ASCC3: variants seen among roughly 807,000 people sequenced by gnomAD.
ASCC3 encodes the protein activating signal cointegrator 1 complex subunit 3.
A neutral mutation model predicts 256.3 loss-of-function variants in ASCC3; 158 were observed. The observed-to-expected ratio is 0.62, with a 90% confidence interval of 0.54 to 0.70. ASCC3 has a LOEUF of 0.70. Ranked by LOEUF, ASCC3 falls within the 30% of genes least tolerant of loss-of-function variation. The pLI, the probability that ASCC3 is intolerant of heterozygous loss-of-function variation, is 0.00. For missense variants in ASCC3, 2,259 were observed against 2,626.0 expected (o/e 0.86, Z 3.05); for synonymous variants, 948 against 883.4 (o/e 1.07, Z -1.30).
At chr6:100,857,705 G>A (rs1773018625) in intron 3 of ASCC3, 1 of 151,820 alleles carries the variant, frequency 6.6e-6, no homozygotes, top group African/African-American at 2.4e-5. Flanking sequence ...TAGTCCATTT[G>A]CCTATTCTTG....
Position 100,715,613 on chromosome 6 carries a change from C to T in ASCC3, c.2080-80G>A. 3 of 1,212,786 alleles carry T rather than the reference C, an allele frequency of 2.5e-6. No individual in the cohort carries two copies. In the South Asian group the frequency reaches 3.9e-5, roughly 16 times the overall value. 75.1% of individuals were successfully genotyped at this position (1,212,786 alleles called of 1,614,324 possible). A position where few individuals can be genotyped will look rare whatever the true frequency, so the allele number is the denominator to read the frequency against. On this transcript the variant is annotated intron_variant, in intron 12 of 41. Coordinates refer to ENST00000369162, the MANE Select transcript of ASCC3 (RefSeq NM_006828.4). ...ACTACAAATAAAATTTTGCCAATTA[C>T]AATGCATTTTTTAAGCTTTCAGGCT...
At chr6:100,669,219 A>G (rs542938254) in intron 14 of ASCC3, among the ~76,000 whole-genome samples, 1 of 149,624 alleles carries the variant, frequency 6.7e-6, no homozygotes, top group Non-Finnish European at 1.5e-5. Flanking sequence ...ATATTTTCTA[A>G]AAATGTAAAG....
At chr6:100,638,898 G>C (rs1774977593) in intron 24 of ASCC3, 77 bp from the exon 25 acceptor site, 2 of 1,184,726 alleles carry the variant, frequency 1.7e-6, no homozygotes, top group Non-Finnish European at 2.5e-6. Context: ...ATAAATAATA[G>C]ATTATAGTAA....
At chr6:100,698,845 T>A (rs1257153621) in intron 13 of ASCC3, among the ~76,000 whole-genome samples, 2 of 152,104 alleles carry the variant, frequency 1.3e-5, no homozygotes, top group East Asian at 3.9e-4. Flanking sequence ...AATAATTATC[T>A]TCTTGATTTT....
rs1772483082 is a variant in ASCC3, at chr6:100,848,296, G to A, written c.653C>T (p.Thr218Ile). ...CTPELKPVEK[T>I]NGSFLWCEVE... is the part of the protein sequence containing the mutation. The stretch of plus-strand genomic sequence containing the variant: ...TTCACACCACAAAAAGGAGCCATTT[G>A]TTTTTTCCACAGGCTTGAGTTCTGG... The change falls in exon 4 of 42, where the codon ACA (threonine) becomes ATA (isoleucine). Residue 218 changes from threonine (T) to isoleucine (I), a missense_variant. Coordinates refer to ENST00000369162, the MANE Select transcript of ASCC3 (RefSeq NM_006828.4). 1 of 1,614,012 alleles carries A rather than the reference G, an allele frequency of 6.2e-7. No homozygotes were observed. The highest frequency in any genetic ancestry group is 8.5e-7 in the Non-Finnish European group (1 of 1,179,976).
chr6:100,791,856 G>C (rs1769363330), intron 8 of ASCC3, among the ~76,000 whole-genome samples: 1 of 151,852 alleles, frequency 6.6e-6, no homozygotes, highest in African/African-American at 2.4e-5. Context: ...GGAAAATTTA[G>C]TCCTCATTTC....
intron 8 of ASCC3, among the ~76,000 whole-genome samples, chr6:100,785,587 A>C (rs554341852): frequency 6.6e-6 from 1 of 152,016 alleles, no homozygotes; most frequent in African/African-American, 2.4e-5. Flanking sequence ...ATTTTAAAAA[A>C]TATGTTTAGA....
chr6:100,552,520 G>C (rs1161771385), intron 36 of ASCC3, among the ~76,000 whole-genome samples: 1 of 151,978 alleles, frequency 6.6e-6, no homozygotes, highest in Non-Finnish European at 1.5e-5. Context: ...TTCAGAAATT[G>C]TATCCTCTTG....
chr6:100,600,860 G>A lies in ASCC3; in HGVS notation c.5303+950C>T, dbSNP rs368861484. ...CAATAAATATTTAACAAAACATAAC[G>A]TAATTTGGTAATGTTAATCCATATT... On this transcript the variant is annotated intron_variant, in intron 34 of 41. Transcript: ENST00000369162. Among the ~76,000 whole-genome samples the A allele has an allele frequency of 2.7e-4, 41 of 151,960 alleles. 1 individual carries two copies. In the East Asian group the frequency reaches 5.6e-3, roughly 21 times the overall value.
intron 10 of ASCC3, among the ~76,000 whole-genome samples, chr6:100,748,336 TGAG>T (rs770229566): frequency 1.4e-4 from 21 of 151,552 alleles, no homozygotes; most frequent in Non-Finnish European, 2.5e-4. Context: ...AAAAAAAAAA[TGAG>T]GAAGCAGAAA....
chr6:100,561,433 C>T (rs1234619809), intron 36 of ASCC3, among the ~76,000 whole-genome samples: 1 of 152,088 alleles, frequency 6.6e-6, no homozygotes, highest in African/African-American at 2.4e-5. Flanking sequence ...ATAACTATCA[C>T]ATCATATTCC....
intron 37 of ASCC3, 42 bp from the exon 38 acceptor site, chr6:100,518,184 G>A: frequency 6.2e-7 from 1 of 1,607,918 alleles, no homozygotes; most frequent in South Asian, 1.1e-5. Flanking sequence ...TTATATCATG[G>A]TACTTGCCCC....
intron 1 of ASCC3, among the ~76,000 whole-genome samples, chr6:100,868,554 C>A (rs1407409234): frequency 1.3e-5 from 2 of 152,182 alleles, no homozygotes; most frequent in Non-Finnish European, 2.9e-5. Flanking sequence ...TCTATCAAAG[C>A]CCAAAATTTT....
intron 4 of ASCC3, among the ~76,000 whole-genome samples, chr6:100,813,113 T>C (rs1770562128): frequency 6.6e-6 from 1 of 152,236 alleles, no homozygotes; most frequent in African/African-American, 2.4e-5. Flanking sequence ...AACAATAGTT[T>C]AAATCTTCTG....
At chr6:100,749,425 G>A (rs1780836563) in intron 10 of ASCC3, among the ~76,000 whole-genome samples, 1 of 151,912 alleles carries the variant, frequency 6.6e-6, no homozygotes, top group South Asian at 2.1e-4. Flanking sequence ...TCTGTAATCT[G>A]CATTTTTAAA....
At chr6:100,662,651 G>A (rs1306351444) in intron 14 of ASCC3, 115 bp from the exon 15 acceptor site, 1 of 890,602 alleles carries the variant, frequency 1.1e-6, no homozygotes, top group African/African-American at 1.7e-5. Context: ...AGCATCTTAA[G>A]GTATTACTAG....
intron 10 of ASCC3, among the ~76,000 whole-genome samples, chr6:100,761,176 C>A (rs1483514052): frequency 1.3e-5 from 2 of 152,086 alleles, no homozygotes; most frequent in East Asian, 3.9e-4. Flanking sequence ...CAGAAGAAAA[C>A]TGGCATACTT....
rs1401237873 is a variant in ASCC3 at position 100,799,411 on chromosome 6, G to A, written c.1269+20C>T. The A allele has an allele frequency of 1.2e-6, 2 of 1,609,882 alleles. No individual in the cohort carries two copies. The highest frequency in any genetic ancestry group is 1.7e-6 in the Non-Finnish European group (2 of 1,178,516). On this transcript the variant is annotated intron_variant, in intron 7 of 41. Coordinates refer to ENST00000369162, the MANE Select transcript of ASCC3 (RefSeq NM_006828.4). Reference sequence around the variant, plus strand: ...AGAATAGACATATTATTGAACAGTAGTTATATAACAATGACATACCTTTGC... The same window carrying A: ...AGAATAGACATATTATTGAACAGTAATTATATAACAATGACATACCTTTGC...
intron 10 of ASCC3, among the ~76,000 whole-genome samples, chr6:100,755,236 T>C (rs1218404684): frequency 6.6e-6 from 1 of 152,196 alleles, no homozygotes. Context: ...TTAATAATTG[T>C]TCTATGAAAG....
Sources: allele counts gnomAD v4.1 joint callset (sites outside exome capture counted in the v4.1 genomes callset), GRCh38; gene constraint gnomAD v4.1.1; transcripts MANE v1.5; gene names NCBI Gene and HGNC (gene_info 2026-07-23, HGNC 2026-07-21).